The following RXFP1 variants were observed in gnomAD, a reference collection of about 807,000 sequenced individuals.
The protein encoded by RXFP1 is relaxin receptor 1.
In RXFP1, 73 loss-of-function variants were observed where a neutral mutation model predicts 89.8. The observed-to-expected ratio is 0.81, with a 90% CI of 0.67 to 0.99. The LOEUF (loss-of-function observed/expected upper bound fraction) is 0.99. RXFP1 is among the 50% of genes least tolerant of loss of function. The pLI, the probability that RXFP1 is intolerant of heterozygous loss-of-function variation, is 0.00. For missense variants in RXFP1, 793 were observed against 895.5 expected (o/e 0.89, Z 1.46); for synonymous variants, 277 against 305.5 (o/e 0.91, Z 0.97).
intron 2 of RXFP1, among the ~76,000 whole-genome samples, chr4:158,579,415 A>G (rs1756897314): frequency 6.6e-6 from 1 of 152,172 alleles, no homozygotes; most frequent in Non-Finnish European, 1.5e-5. Context: ...CTACAGGCGC[A>G]TGCCACCACC....
rs926398945 is a variant in RXFP1 at position 158,650,953 on chromosome 4, CAAAAAATA to C, written c.1976-790_1976-783del. 1.5e-4 allele frequency among the ~76,000 whole-genome samples: 23 copies of C among 151,876 alleles called. No individual in the cohort carries two copies. The East Asian group carries it at 3.1e-3, about 20-fold the overall frequency. ...GGGAGACCCTGAGACCCCAACTCTT[CAAAAAATA>C]AAAAAATAAAAAATTAACCAGGCAT... is the stretch of plus-strand genomic sequence containing the variant. On this transcript the variant is annotated intron_variant, in intron 17 of 17. Coordinates refer to ENST00000307765, the MANE Select transcript of RXFP1 (RefSeq NM_021634.4).
At chr4:158,546,647 G>GA (rs934697191) in intron 1 of RXFP1, among the ~76,000 whole-genome samples, 2 of 152,152 alleles carry the variant, frequency 1.3e-5, no homozygotes, top group Non-Finnish European at 2.9e-5. Flanking sequence ...TTTATTGAGA[G>GA]TTTTTAGCAT....
intron 1 of RXFP1, among the ~76,000 whole-genome samples, chr4:158,533,221 G>C (rs979034539): frequency 3.9e-5 from 6 of 152,184 alleles, no homozygotes; most frequent in African/African-American, 7.2e-5. Flanking sequence ...TTTTGCCATT[G>C]AAAGCCATGA....
chr4:158,575,861 C>T (rs1033360215), intron 2 of RXFP1, among the ~76,000 whole-genome samples: 3 of 152,184 alleles, frequency 2.0e-5, no homozygotes, highest in African/African-American at 7.2e-5. Flanking sequence ...ATATTACAAA[C>T]ATAGTGGCCT....
chr4:158,568,414 G>A (rs572143189), intron 1 of RXFP1, among the ~76,000 whole-genome samples: 4 of 152,204 alleles, frequency 2.6e-5, no homozygotes, highest in Non-Finnish European at 5.9e-5. Flanking sequence ...ACACAGGCAG[G>A]TATGGCCAGT....
In RXFP1 at chr4:158,571,622, G is replaced by A. The variant is rs543820579; in HGVS notation, c.50-1076G>A. ...GGTTGCAGTGAGCCAAGATTGTGCC[G>A]TGGCACTCCAGCCTGGGCGACAAGA... On this transcript the variant is annotated intron_variant, in intron 1 of 17. Coordinates refer to ENST00000307765, the MANE Select transcript of RXFP1 (RefSeq NM_021634.4). 1.0e-3 allele frequency among the ~76,000 whole-genome samples: 154 copies of A among 152,112 alleles called. 1 individual carries two copies. The South Asian group carries it at 0.03, about 29-fold the overall frequency.
chr4:158,568,245 T>A (rs1370732405), intron 1 of RXFP1, among the ~76,000 whole-genome samples: 7 of 152,218 alleles, frequency 4.6e-5, no homozygotes, highest in African/African-American at 1.7e-4. Context: ...GCGGCTTCAT[T>A]GTTGAAGTCA....
At chr4:158,616,934 G>T (rs1003442751) in intron 8 of RXFP1, among the ~76,000 whole-genome samples, 197 bp from the exon 9 acceptor site, 1 of 151,194 alleles carries the variant, frequency 6.6e-6, no homozygotes, top group Admixed American at 6.6e-5. Flanking sequence ...GGGAGGCAGA[G>T]GTTTCCATGA....
rs904895960 is a variant in RXFP1 at position 158,558,933 on chromosome 4, G to A, written c.50-13765G>A. 5.3e-5 allele frequency among the ~76,000 whole-genome samples: 8 copies of A among 152,250 alleles called. No individual in the cohort carries two copies. In the East Asian group the frequency reaches 7.7e-4, roughly 15 times the overall value. On this transcript the variant is annotated intron_variant, in intron 1 of 17. Coordinates refer to ENST00000307765, the MANE Select transcript of RXFP1 (RefSeq NM_021634.4). The stretch of plus-strand genomic sequence containing the variant: ...AACACAAAAATTTTAAGTGACAGCT[G>A]TCGTAATATTAGCCTCAACAGATTT...
intron 17 of RXFP1, among the ~76,000 whole-genome samples, chr4:158,650,306 T>TA (rs1772415897): frequency 6.6e-6 from 1 of 151,970 alleles, no homozygotes; most frequent in Admixed American, 6.6e-5. Context: ...GGATGGTGGT[T>TA]ATGGTACAAT....
intron 1 of RXFP1, among the ~76,000 whole-genome samples, chr4:158,549,711 T>G (rs1749568048): frequency 6.6e-6 from 1 of 152,214 alleles, no homozygotes; most frequent in East Asian, 1.9e-4. Flanking sequence ...TTGCTAGAGG[T>G]CCACTCCAGA....
At chr4:158,542,595 C>T (rs1223553005) in intron 1 of RXFP1, among the ~76,000 whole-genome samples, 4 of 152,166 alleles carry the variant, frequency 2.6e-5, no homozygotes, top group African/African-American at 9.7e-5. Flanking sequence ...TTTGTATCTG[C>T]CTTGTTCCTC....
chr4:158,544,255 A>G (rs538425549), intron 1 of RXFP1: 1 of 985,280 alleles, frequency 1.0e-6, no homozygotes, highest in African/African-American at 1.7e-5. Flanking sequence ...ATTTACATAC[A>G]TCATGTTTGT....
At chr4:158,636,826 G>T (rs918565397) in intron 12 of RXFP1, among the ~76,000 whole-genome samples, 3 of 152,168 alleles carry the variant, frequency 2.0e-5, no homozygotes, top group Admixed American at 2.0e-4. Context: ...TAGTCAGCAT[G>T]TTACACAATA....
intron 4 of RXFP1, among the ~76,000 whole-genome samples, chr4:158,602,954 A>C (rs1761963856): frequency 6.6e-6 from 1 of 152,208 alleles, no homozygotes; most frequent in African/African-American, 2.4e-5. Context: ...GTAAACAGAC[A>C]GGGTCTCACT....
chr4:158,551,030 G>A (rs756508540), intron 1 of RXFP1, among the ~76,000 whole-genome samples: 4 of 151,942 alleles, frequency 2.6e-5, no homozygotes, highest in East Asian at 1.9e-4. Flanking sequence ...TCAATGTAAC[G>A]GACTATTAAG....
chr4:158,544,338 T>C, intron 1 of RXFP1: 1 of 985,290 alleles, frequency 1.0e-6, no homozygotes, highest in Non-Finnish European at 1.2e-6. Context: ...TGAGACAGCA[T>C]CTCATCCTTG....
At chr4:158,552,960 G>C (rs770464853) in intron 1 of RXFP1, among the ~76,000 whole-genome samples, 10 of 152,138 alleles carry the variant, frequency 6.6e-5, no homozygotes, top group Non-Finnish European at 1.5e-4. Flanking sequence ...TGAAGCAGGA[G>C]GATCACTTGA....
chr4:158,592,856 C>T (rs762315507), intron 2 of RXFP1, among the ~76,000 whole-genome samples: 2 of 151,502 alleles, frequency 1.3e-5, no homozygotes, highest in African/African-American at 2.4e-5. Flanking sequence ...TTTGGGGGGC[C>T]GAGGCGGACA....
Sources: gnomAD v4.1 joint callset for allele counts (sites outside exome capture counted in the v4.1 genomes callset) on GRCh38, gnomAD v4.1.1 for gene constraint, MANE v1.5 for transcripts, NCBI Gene and HGNC (gene_info 2026-07-23, HGNC 2026-07-21) for gene names.